OSBPL1A: variants seen among roughly 807,000 people sequenced by gnomAD.
OSBPL1A encodes the protein oxysterol binding protein like 1A.
Under a neutral mutation model 137.1 loss-of-function variants are expected in OSBPL1A, and 80 were observed. That is an observed-to-expected ratio of 0.58 (90% CI 0.49 to 0.70). OSBPL1A has a LOEUF of 0.70. OSBPL1A is among the 30% of genes least tolerant of loss of function. The probability of loss-of-function intolerance (pLI) is 0.00; values close to 1 mark genes in which losing one functional copy is unlikely to be tolerated. For synonymous variants in OSBPL1A, 365 were observed against 389.7 expected (o/e 0.94, Z 0.75); for missense variants, 970 against 1,129.4 (o/e 0.86, Z 2.02).
intron 14 of OSBPL1A, among the ~76,000 whole-genome samples, chr18:24,288,104 C>G (rs2090102038): frequency 6.6e-6 from 1 of 152,128 alleles, no homozygotes; most frequent in South Asian, 2.1e-4. Context: ...CTATGGTAGA[C>G]AAAGTGCAGG....
intron 15 of OSBPL1A, among the ~76,000 whole-genome samples, chr18:24,259,170 G>A (rs2089376037): frequency 6.6e-6 from 1 of 151,988 alleles, no homozygotes; most frequent in African/African-American, 2.4e-5. Context: ...GCGTCCCAAA[G>A]TGCTGGGATT....
chr18:24,368,479 T>C (rs1235735709), intron 2 of OSBPL1A, 107 bp from the exon 3 acceptor site: 19 of 811,870 alleles, frequency 2.3e-5, no homozygotes, highest in African/African-American at 5.1e-5. Context: ...TTGCAATGCA[T>C]TGCTGATAAG....
At chr18:24,197,382 C>T (rs1178958295) in intron 17 of OSBPL1A, among the ~76,000 whole-genome samples, 3 of 152,094 alleles carry the variant, frequency 2.0e-5, no homozygotes, top group African/African-American at 7.2e-5. Flanking sequence ...AAAAGGTTTT[C>T]CAGTTGCCTT....
In OSBPL1A at chr18:24,314,803, TA is replaced by T. The variant is rs547165568; in HGVS notation, c.871-457del. Reference sequence around the variant, plus strand: ...ACGGATCAGAAATAATTATGGGTTTTAAAATAAAAATTTGGCATGAAAAGGA... The same window carrying T: ...ACGGATCAGAAATAATTATGGGTTTTAAATAAAAATTTGGCATGAAAAGGA... On this transcript the variant is annotated intron_variant, in intron 11 of 27. Transcript: ENST00000319481. Among the ~76,000 whole-genome samples, 996 of 152,240 alleles carry T rather than the reference TA, an allele frequency of 6.5e-3. 10 individuals carry two copies. Among genetic ancestry groups the T allele is most frequent in the African/African-American group, 0.023 (944 of 41,554 alleles).
chr18:24,305,018 G>C (rs542131710), intron 13 of OSBPL1A, among the ~76,000 whole-genome samples: 4 of 152,268 alleles, frequency 2.6e-5, no homozygotes, highest in Admixed American at 2.6e-4. Context: ...TTTATCTAGA[G>C]GCACCAAAAC....
At chr18:24,211,379 TAAC>T (rs1211362036) in intron 17 of OSBPL1A, among the ~76,000 whole-genome samples, 1 of 152,220 alleles carries the variant, frequency 6.6e-6, no homozygotes, top group Non-Finnish European at 1.5e-5. Context: ...TAAGAAAGGA[TAAC>T]TGGATTCTCA....
In OSBPL1A at chr18:24,271,536, G is replaced by T; in HGVS notation, c.1281+9306C>A. 1 of 984,006 alleles carries T rather than the reference G, an allele frequency of 1.0e-6. No homozygotes were observed. The highest frequency in any genetic ancestry group is 1.2e-6 in the Non-Finnish European group (1 of 828,576). The allele number at this position is 984,006 out of a possible 1,614,324, so 61.0% of individuals were successfully genotyped here. A position where few individuals can be genotyped will look rare whatever the true frequency, so the allele number is the denominator to read the frequency against. On this transcript the variant is annotated intron_variant, in intron 15 of 27. Transcript: ENST00000319481. The surrounding 1 kb of genome is among the most constrained non-coding windows in gnomAD (Gnocchi z 4.0). ...TACTCACATCCCTGGATCAAGTCTG[G>T]CCGCCCTCCCCGCTCCGTCCCCCGG...
intron 3 of OSBPL1A, chr18:24,368,040 T>G: frequency 3.4e-6 from 1 of 293,604 alleles, no homozygotes; most frequent in Non-Finnish European, 6.3e-6. Flanking sequence ...TTCATTAATA[T>G]GCCTACTTTT....
intron 16 of OSBPL1A, among the ~76,000 whole-genome samples, chr18:24,231,080 TC>T (rs2088261653): frequency 6.6e-6 from 1 of 152,094 alleles, no homozygotes; most frequent in African/African-American, 2.4e-5. Flanking sequence ...ACCCTGTCTC[TC>T]AAAAACATTA....
intron 7 of OSBPL1A, among the ~76,000 whole-genome samples, chr18:24,321,262 C>T (rs1032401608): frequency 6.6e-6 from 1 of 152,030 alleles, no homozygotes; most frequent in Non-Finnish European, 1.5e-5. Context: ...CTATCACATG[C>T]TTGTGGTTTT....
At chr18:24,178,786 A>G (rs961129131) in intron 20 of OSBPL1A, among the ~76,000 whole-genome samples, 1 of 152,220 alleles carries the variant, frequency 6.6e-6, no homozygotes, top group African/African-American at 2.4e-5. Context: ...TTCCTTTTAC[A>G]TTAGAGAAAT....
chr18:24,213,324 T>A (rs1263152334), intron 17 of OSBPL1A, among the ~76,000 whole-genome samples: 1 of 152,176 alleles, frequency 6.6e-6, no homozygotes, highest in Non-Finnish European at 1.5e-5. Context: ...TCCTAGCACT[T>A]TGGGAGGCCG....
chr18:24,272,002 T>G, intron 15 of OSBPL1A: 1 of 981,344 alleles, frequency 1.0e-6, no homozygotes, highest in Non-Finnish European at 1.2e-6. Context: ...CGGCAAGGCC[T>G]GCGGCGGGCG....
At chr18:24,202,557 G>A (rs1272934103) in intron 17 of OSBPL1A, among the ~76,000 whole-genome samples, 1 of 152,034 alleles carries the variant, frequency 6.6e-6, no homozygotes, top group Non-Finnish European at 1.5e-5. Flanking sequence ...TTCTGTTTAC[G>A]GTATGATTTG....
chr18:24,383,675 A>C (rs1906762324), intron 1 of OSBPL1A, among the ~76,000 whole-genome samples: 2 of 152,154 alleles, frequency 1.3e-5, no homozygotes, highest in Admixed American at 1.3e-4. Flanking sequence ...AATTGCTTGA[A>C]CCTAGGAGGC....
chr18:24,175,696 T>G (rs2086428267), intron 21 of OSBPL1A, among the ~76,000 whole-genome samples: 1 of 152,232 alleles, frequency 6.6e-6, no homozygotes, highest in African/African-American at 2.4e-5. Flanking sequence ...TGGTATCATA[T>G]CCATAAGAGT....
intron 15 of OSBPL1A, among the ~76,000 whole-genome samples, chr18:24,249,982 A>G (rs1237942532): frequency 6.6e-6 from 1 of 152,174 alleles, no homozygotes; most frequent in Non-Finnish European, 1.5e-5. Context: ...AGCACAGCAG[A>G]CAGCAATGAA....
At chr18:24,219,226 G>T (rs184395879) in intron 17 of OSBPL1A, among the ~76,000 whole-genome samples, 1 of 152,258 alleles carries the variant, frequency 6.6e-6, no homozygotes, top group East Asian at 1.9e-4. Flanking sequence ...CAAGGAGGTT[G>T]AGGCTGCAGT....
intron 5 of OSBPL1A, among the ~76,000 whole-genome samples, chr18:24,339,884 T>G (rs962404112): frequency 6.6e-6 from 1 of 152,234 alleles, no homozygotes; most frequent in African/African-American, 2.4e-5. Context: ...CTTTGTGTTG[T>G]TTTTTAAACT....
Sources: allele counts gnomAD v4.1 joint callset (sites outside exome capture counted in the v4.1 genomes callset), GRCh38; gene constraint gnomAD v4.1.1; non-coding constraint Gnocchi (gnomAD v3.1); transcripts MANE v1.5; gene names NCBI Gene and HGNC (gene_info 2026-07-23, HGNC 2026-07-21).